Variants in PTPRN2 observed in about 807,000 individuals in gnomAD.
PTPRN2 encodes protein tyrosine phosphatase receptor type N2.
Under a neutral mutation model 118.8 loss-of-function variants are expected in PTPRN2, and 74 were observed. The ratio of observed to expected loss-of-function variants is 0.62; its 90% CI spans 0.52 to 0.76. The LOEUF is 0.76. Among genes scored for constraint, PTPRN2 ranks in the 30% least tolerant of loss-of-function variants. PTPRN2 has a pLI of 0.00. For missense variants in PTPRN2, 1,481 were observed against 1,394.4 expected (o/e 1.06, Z -0.99); for synonymous variants, 641 against 608.0 (o/e 1.05, Z -0.80).
At chr7:158,425,336 A>G (rs376859018) in intron 2 of PTPRN2, among the ~76,000 whole-genome samples, 73 of 103,358 alleles carry the variant, frequency 7.1e-4, no homozygotes, top group Middle Eastern at 5.3e-3. Flanking sequence ...AGCCTAGCTG[A>G]GGCCTGCGCA....
At position 157,578,098 on chromosome 7, in the gene PTPRN2, G is replaced by T. The variant is rs768757935; in HGVS notation, c.2539C>A (p.Pro847Thr). The T allele has an allele frequency of 6.8e-6, 11 of 1,613,358 alleles. No homozygotes were observed. The highest frequency in any genetic ancestry group is 6.6e-5 in the South Asian group (6 of 91,084). The change falls in exon 18 of 23, where the codon CCC becomes ACC. Residue 847 changes from proline to threonine, a missense_variant. Coordinates refer to ENST00000389418, the MANE Select transcript of PTPRN2 (RefSeq NM_002847.5). Reference protein sequence around the residue: ...SGCVVIVMLTPLAENGVRQCY... With the variant: ...SGCVVIVMLTTLAENGVRQCY... ...TGCCGGACGCCGTTCTCCGCGAGGG[G>T]TGTCAGCATGACGATCACCACGCAG...
In PTPRN2 at chr7:157,603,283, C is replaced by T. The variant is rs1235540302; in HGVS notation, c.2418+719G>A. On this transcript the variant is annotated intron_variant, in intron 16 of 22. Coordinates refer to ENST00000389418, the MANE Select transcript of PTPRN2 (RefSeq NM_002847.5). The surrounding 1 kb of genome is among the most constrained non-coding windows in gnomAD (Gnocchi z 5.4). ...GAGGGCTGCAAACCTCCCCATTCAGCCCTGCTCCCCCGACAGGTCATGACA... is the reference window on the plus strand; with the variant it reads ...GAGGGCTGCAAACCTCCCCATTCAGTCCTGCTCCCCCGACAGGTCATGACA... Among the ~76,000 whole-genome samples the T allele has an allele frequency of 6.6e-6, 1 of 150,762 alleles. No individual in the cohort carries two copies. The highest frequency in any genetic ancestry group is 1.9e-4 in the East Asian group (1 of 5,174).
chr7:158,306,326 C>T (rs1801283098), intron 3 of PTPRN2, among the ~76,000 whole-genome samples: 1 of 152,190 alleles, frequency 6.6e-6, no homozygotes, highest in South Asian at 2.1e-4. Context: ...TGTGTGCCTG[C>T]CCAGGCTGTG....
chr7:158,584,016 G>A (rs771878315), intron 1 of PTPRN2, among the ~76,000 whole-genome samples: 15 of 152,132 alleles, frequency 9.9e-5, no homozygotes, highest in East Asian at 3.9e-4. Context: ...TCTGCCTCTC[G>A]GCTCTGTGTG....
chr7:158,558,881 C>T (rs1827208525), intron 1 of PTPRN2, among the ~76,000 whole-genome samples: 1 of 152,080 alleles, frequency 6.6e-6, no homozygotes, highest in Non-Finnish European at 1.5e-5. Context: ...AGACAGAGAC[C>T]TCTCACCTCT....
intron 12 of PTPRN2, among the ~76,000 whole-genome samples, chr7:157,872,265 C>G (rs1284179411): frequency 6.8e-6 from 1 of 147,528 alleles, no homozygotes; most frequent in Non-Finnish European, 1.5e-5. Context: ...CCAGTGTCCT[C>G]CCCACACACA....
intron 3 of PTPRN2, among the ~76,000 whole-genome samples, chr7:158,305,201 G>A (rs1030579059): frequency 6.6e-6 from 1 of 152,194 alleles, no homozygotes; most frequent in African/African-American, 2.4e-5. Context: ...TGGCCAAGAG[G>A]AAGGGTCCAT....
At position 158,527,185 on chromosome 7, in the gene PTPRN2, T is replaced by C. The variant is rs183863395; in HGVS notation, c.113-37400A>G. Among the ~76,000 whole-genome samples the C allele has an allele frequency of 1.2e-4, 18 of 152,156 alleles. No homozygotes were observed. In the East Asian group the frequency reaches 3.5e-3, roughly 30 times the overall value. Reference sequence around the variant, plus strand: ...CCTCGGAGCAAATGCAGCTGTGTCCTTCCCGCACCGTGGGCCTGGCCCTCA... The same window carrying C: ...CCTCGGAGCAAATGCAGCTGTGTCCCTCCCGCACCGTGGGCCTGGCCCTCA... On this transcript the variant is annotated intron_variant, in intron 1 of 22. Transcript: ENST00000389418.
intron 12 of PTPRN2, among the ~76,000 whole-genome samples, chr7:157,847,343 A>C (rs1224860406): frequency 5.4e-4 from 53 of 97,704 alleles, no homozygotes; most frequent in Admixed American, 1.1e-3. Flanking sequence ...CTCTCTCATT[A>C]CATCTTCTGT....
At chr7:158,406,767 A>G (rs1369596403) in intron 2 of PTPRN2, among the ~76,000 whole-genome samples, 1 of 152,346 alleles carries the variant, frequency 6.6e-6, no homozygotes, top group East Asian at 1.9e-4. Context: ...CTAAACTTCA[A>G]AAATGCTCCT....
chr7:157,643,966 C>T (rs898504084), intron 14 of PTPRN2, among the ~76,000 whole-genome samples: 12 of 152,180 alleles, frequency 7.9e-5, no homozygotes, highest in Admixed American at 3.9e-4. Context: ...GAGCTTCCCC[C>T]GTGGGACTGT....
chr7:157,670,943 A>G (rs1024228021), intron 13 of PTPRN2, among the ~76,000 whole-genome samples: 3 of 152,032 alleles, frequency 2.0e-5, no homozygotes, highest in African/African-American at 7.3e-5. Flanking sequence ...GCACCTTCCT[A>G]ATTTTCTTTT....
intron 12 of PTPRN2, among the ~76,000 whole-genome samples, chr7:157,859,880 C>T (rs1810084482): frequency 7.3e-6 from 1 of 136,392 alleles, no homozygotes; most frequent in Admixed American, 7.3e-5. Flanking sequence ...GGGAGAGCCC[C>T]AGCCACTGTA....
intron 12 of PTPRN2, among the ~76,000 whole-genome samples, chr7:157,885,404 C>G (rs1796396621): frequency 4.6e-5 from 7 of 152,186 alleles, no homozygotes; most frequent in Admixed American, 4.6e-4. Context: ...TCCAGGGCAC[C>G]TGATGCCCAC....
At position 157,779,621 on chromosome 7, in the gene PTPRN2, TGCA is replaced by T. The variant is rs1168875399; in HGVS notation, c.1789-96687_1789-96685del. Among the ~76,000 whole-genome samples, 1 of 152,142 alleles carries T rather than the reference TGCA, an allele frequency of 6.6e-6. No individual in the cohort carries two copies. Among genetic ancestry groups the T allele is most frequent in the Non-Finnish European group, 1.5e-5 (1 of 68,022 alleles). ...CTAAATAACTTGCTTCTCACCCTGC[TGCA>T]GGAGTCTCCGAAGCACAAAGGCTGA... is the stretch of plus-strand genomic sequence containing the variant. On this transcript the variant is annotated intron_variant, in intron 12 of 22. Coordinates refer to ENST00000389418, the MANE Select transcript of PTPRN2 (RefSeq NM_002847.5). This position sits in a 1 kb window ranked among gnomAD's most constrained non-coding sequence, Gnocchi z 4.7.
At position 157,868,990 on chromosome 7, in the gene PTPRN2, T is replaced by C. The variant is rs1810892248; in HGVS notation, c.1788+29683A>G. 6.6e-6 allele frequency: 1 copy of C among 152,158 alleles called. No individual in the cohort carries two copies. The highest frequency in any genetic ancestry group is 6.5e-5 in the Admixed American group (1 of 15,276). The allele number at this position is 152,158 out of a possible 1,614,324, so 9.4% of individuals were successfully genotyped here. A position where few individuals can be genotyped will look rare whatever the true frequency, so the allele number is the denominator to read the frequency against. On this transcript the variant is annotated intron_variant, in intron 12 of 22. Transcript: ENST00000389418. This position sits in a 1 kb window ranked among gnomAD's most constrained non-coding sequence, Gnocchi z 5.2. ...CCATGTAGAACCAGATGAAGATTCATAAAGGCCAGTGGGATAAAGACTTCC... is the reference window on the plus strand; with the variant it reads ...CCATGTAGAACCAGATGAAGATTCACAAAGGCCAGTGGGATAAAGACTTCC...
rs1412089296 is a variant in PTPRN2 at position 157,590,025 on chromosome 7, C to T, written c.2496+5213G>A. Reference sequence around the variant, plus strand: ...TTTTCTGTTGTGTTTTGAATGTCAGCACCCTTTTTGAATTTATGATTGCAG... The same window carrying T: ...TTTTCTGTTGTGTTTTGAATGTCAGTACCCTTTTTGAATTTATGATTGCAG... On this transcript the variant is annotated intron_variant, in intron 17 of 22. Transcript: ENST00000389418. The surrounding 1 kb of genome is among the most constrained non-coding windows in gnomAD (Gnocchi z 4.0). Among the ~76,000 whole-genome samples the T allele has an allele frequency of 6.6e-6, 1 of 152,204 alleles. No homozygotes were observed. Among genetic ancestry groups the T allele is most frequent in the Non-Finnish European group, 1.5e-5 (1 of 68,042 alleles).
intron 1 of PTPRN2, among the ~76,000 whole-genome samples, chr7:158,521,475 C>G (rs114085919): frequency 6.6e-6 from 1 of 152,214 alleles, no homozygotes; most frequent in Non-Finnish European, 1.5e-5. Context: ...GCAGTAACTC[C>G]AAAATCAGTT....
chr7:158,332,698 T>A (rs1197983287), intron 2 of PTPRN2, among the ~76,000 whole-genome samples: 4 of 149,356 alleles, frequency 2.7e-5, no homozygotes, highest in Non-Finnish European at 5.9e-5. Context: ...CCATAAGAGT[T>A]GACACCTGCA....
Sources: allele counts gnomAD v4.1 joint callset (sites outside exome capture counted in the v4.1 genomes callset), GRCh38; gene constraint gnomAD v4.1.1; non-coding constraint Gnocchi (gnomAD v3.1); transcripts MANE v1.5; gene names NCBI Gene and HGNC (gene_info 2026-07-23, HGNC 2026-07-21).